The following ZFYVE27 variants were observed in gnomAD, a reference collection of about 807,000 sequenced individuals.
ZFYVE27 encodes the protein zinc finger FYVE-type containing 27.
A neutral mutation model predicts 52.8 loss-of-function variants in ZFYVE27; 36 were observed. The observed-to-expected ratio is 0.68, with a 90% CI of 0.52 to 0.90. The LOEUF is 0.90. ZFYVE27 is among the 40% of genes least tolerant of loss of function. The probability of loss-of-function intolerance (pLI) is 0.00; values close to 1 mark genes in which losing one functional copy is unlikely to be tolerated. For missense variants in ZFYVE27, 450 were observed against 527.2 expected (o/e 0.85, Z 1.43); for synonymous variants, 223 against 215.6 (o/e 1.03, Z -0.30).
At chr10:97,751,747 G>T (rs907552147) in intron 8 of ZFYVE27, among the ~76,000 whole-genome samples, 6 of 152,178 alleles carry the variant, frequency 3.9e-5, no homozygotes, top group African/African-American at 1.4e-4. Flanking sequence ...CGTGGGCTTG[G>T]TGCCTTTGAT....
At chr10:97,754,901 A>G (rs2047962199) in intron 10 of ZFYVE27, 1 of 1,181,298 alleles carries the variant, frequency 8.5e-7, no homozygotes, top group African/African-American at 1.6e-5. Flanking sequence ...ACCTGAGGTA[A>G]AAAGAGTGCT....
At chr10:97,757,128 C>T (rs764694847) in intron 10 of ZFYVE27, 137 bp from the exon 11 acceptor site, 7 of 1,181,468 alleles carry the variant, frequency 5.9e-6, no homozygotes, top group East Asian at 2.4e-5. Context: ...CTGAATCTGG[C>T]CTTGCTCCCT....
At chr10:97,752,928 T>A in intron 9 of ZFYVE27, 51 bp downstream of exon 9, 1 of 1,612,024 alleles carries the variant, frequency 6.2e-7, no homozygotes, top group Non-Finnish European at 8.5e-7. Flanking sequence ...GGAGGGTGGC[T>A]GAACCGGCTG....
At chr10:97,755,779 C>A (rs556344671) in intron 10 of ZFYVE27, among the ~76,000 whole-genome samples, 2 of 152,284 alleles carry the variant, frequency 1.3e-5, no homozygotes, top group East Asian at 3.9e-4. Context: ...GGAGGGCCCC[C>A]CTTTGTCCTG....
chr10:97,753,115 G>A lies in ZFYVE27; in HGVS notation c.975G>A (p.Glu325=). ...LQDNGFLSKN[E]VLRSKVSRLT... Reference sequence around the variant, plus strand: ...ACAACGGGTTCCTGAGCAAGAATGAGGTGCTGCGCAGCAAGGTGTCTCGGC... The same window carrying A: ...ACAACGGGTTCCTGAGCAAGAATGAAGTGCTGCGCAGCAAGGTGTCTCGGC... The change falls in exon 10 of 13, where the codon GAG becomes GAA. Residue 325 remains glutamate (E), a synonymous_variant. Coordinates refer to ENST00000684270, the MANE Select transcript of ZFYVE27 (RefSeq NM_001385875.1). 6.2e-7 allele frequency: 1 copy of A among 1,612,092 alleles called. No individual in the cohort carries two copies.
intron 2 of ZFYVE27, chr10:97,738,953 C>T: frequency 2.2e-6 from 1 of 457,292 alleles, no homozygotes; most frequent in East Asian, 3.9e-5. Context: ...CAACCTTGAA[C>T]ATCACGCCTT....
Position 97,742,946 on chromosome 10 carries a change from C to G in ZFYVE27, c.198-148C>G, listed in dbSNP as rs1247729027. ...TTACCGCCTCTCCTGGTCACCAGTC[C>G]AAGTGAGAGGCCCCCTTTTCGTTTC... On this transcript the variant is annotated intron_variant, in intron 2 of 12. Transcript: ENST00000684270. The G allele has an allele frequency of 3.6e-6, 3 of 836,478 alleles. No homozygotes were observed. In the Admixed American group the frequency reaches 5.9e-5, roughly 16 times the overall value. The allele number at this position is 836,478 out of a possible 1,614,324, so 51.8% of individuals were successfully genotyped here.
At chr10:97,742,135 A>G (rs2043849394) in intron 2 of ZFYVE27, among the ~76,000 whole-genome samples, 2 of 118,420 alleles carry the variant, frequency 1.7e-5, no homozygotes, top group Admixed American at 1.6e-4. Flanking sequence ...GTCTCAAAAG[A>G]AAAAAAAAAA....
chr10:97,747,533 TATC>T (rs2045790670), intron 4 of ZFYVE27, among the ~76,000 whole-genome samples: 1 of 152,210 alleles, frequency 6.6e-6, no homozygotes. Context: ...TTCTTACTAT[TATC>T]AGTATGAACT....
At chr10:97,744,617 G>A in intron 3 of ZFYVE27, 112 bp from the exon 4 acceptor site, 1 of 1,275,784 alleles carries the variant, frequency 7.8e-7, no homozygotes, top group Non-Finnish European at 1.1e-6. Flanking sequence ...TATCAGGGAA[G>A]GCCTGACTGG....
intron 12 of ZFYVE27, 57 bp downstream of exon 12, chr10:97,757,780 G>A (rs1210010990): frequency 1.6e-5 from 25 of 1,569,330 alleles, no homozygotes; most frequent in African/African-American, 2.7e-5. Flanking sequence ...GGGATGTCAC[G>A]CTGTGGCACA....
At chr10:97,751,077 G>A (rs1357089848) in intron 7 of ZFYVE27, among the ~76,000 whole-genome samples, 1 of 152,162 alleles carries the variant, frequency 6.6e-6, no homozygotes, top group Non-Finnish European at 1.5e-5. Context: ...TCTCATTTGT[G>A]GAAGAGAAGG....
intron 2 of ZFYVE27, among the ~76,000 whole-genome samples, chr10:97,740,896 C>T (rs1359452863): frequency 1.3e-5 from 2 of 152,152 alleles, no homozygotes; most frequent in Non-Finnish European, 2.9e-5. Context: ...CTGCTTGGGT[C>T]TCCTGGGACC....
At chr10:97,751,200 G>A (rs1440452177) in intron 7 of ZFYVE27, among the ~76,000 whole-genome samples, 191 bp from the exon 8 acceptor site, 2 of 152,150 alleles carry the variant, frequency 1.3e-5, no homozygotes, top group African/African-American at 4.8e-5. Context: ...AGGGCCAGCT[G>A]TGCTCGTGTT....
chr10:97,756,827 T>C (rs924934139), intron 10 of ZFYVE27, among the ~76,000 whole-genome samples: 1 of 152,196 alleles, frequency 6.6e-6, no homozygotes, highest in East Asian at 1.9e-4. Flanking sequence ...AGCAGGAGTT[T>C]AGGTTTTTAG....
intron 12 of ZFYVE27, 36 bp downstream of exon 12, chr10:97,757,759 A>G (rs1216474642): frequency 6.2e-7 from 1 of 1,606,762 alleles, no homozygotes; most frequent in Non-Finnish European, 8.5e-7. Flanking sequence ...CTTGGTTGGT[A>G]TCCCGCCCAG....
intron 10 of ZFYVE27, among the ~76,000 whole-genome samples, chr10:97,755,524 C>T (rs981133952): frequency 6.6e-5 from 10 of 152,194 alleles, no homozygotes; most frequent in African/African-American, 1.2e-4. Context: ...GGGAGGGGCA[C>T]GGCAGTTCTC....
intron 4 of ZFYVE27, 152 bp from the exon 5 acceptor site, chr10:97,748,117 C>A (rs2136140526): frequency 1.3e-6 from 1 of 766,044 alleles, no homozygotes; most frequent in Non-Finnish European, 2.2e-6. Context: ...AGGCCTGTTT[C>A]TCCCATGCTC....
chr10:97,744,105 T>C (rs2044509680), intron 3 of ZFYVE27, among the ~76,000 whole-genome samples: 1 of 152,224 alleles, frequency 6.6e-6, no homozygotes, highest in East Asian at 1.9e-4. Context: ...CAAAACTTCC[T>C]AGGATGTTTG....
Sources: gnomAD v4.1 joint callset for allele counts (sites outside exome capture counted in the v4.1 genomes callset) on GRCh38, gnomAD v4.1.1 for gene constraint, MANE v1.5 for transcripts, NCBI Gene and HGNC (gene_info 2026-07-23, HGNC 2026-07-21) for gene names.